SLC35F1: variants seen among roughly 807,000 people sequenced by gnomAD.
SLC35F1 encodes the protein chromosome 6 open reading frame 169.
A neutral mutation model predicts 48.7 loss-of-function variants in SLC35F1; 14 were observed. That is an observed-to-expected ratio of 0.29 (90% CI 0.19 to 0.45). The LOEUF is 0.45. Among genes scored for constraint, SLC35F1 ranks in the 20% least tolerant of loss-of-function variants. The pLI is 1.00. For missense variants in SLC35F1, 404 were observed against 500.0 expected (o/e 0.81, Z 1.83); for synonymous variants, 190 against 202.2 (o/e 0.94, Z 0.51).
At chr6:118,310,438 G>A (rs1431656424) in intron 7 of SLC35F1, among the ~76,000 whole-genome samples, 1 of 152,014 alleles carries the variant, frequency 6.6e-6, no homozygotes, top group Non-Finnish European at 1.5e-5. Context: ...CAGAATAGGG[G>A]ATCATTCTAT....
chr6:118,192,623 C>T (rs1214493476), intron 2 of SLC35F1, among the ~76,000 whole-genome samples: 1 of 151,992 alleles, frequency 6.6e-6, no homozygotes, highest in Non-Finnish European at 1.5e-5. Context: ...ACATAATAAC[C>T]ATAGTTATGA....
At chr6:118,147,898 C>A (rs1185266261) in intron 1 of SLC35F1, among the ~76,000 whole-genome samples, 1 of 152,146 alleles carries the variant, frequency 6.6e-6, no homozygotes, top group Non-Finnish European at 1.5e-5. Flanking sequence ...CAAAGATACC[C>A]AATTAATGAT....
At chr6:117,987,146 C>A (rs892929921) in intron 1 of SLC35F1, among the ~76,000 whole-genome samples, 1 of 152,166 alleles carries the variant, frequency 6.6e-6, no homozygotes, top group African/African-American at 2.4e-5. Flanking sequence ...TGCCATAAAT[C>A]AGGCAGCTAT....
rs1311971397 is a variant in SLC35F1, at chr6:118,275,510, A to G, written c.689A>G (p.Tyr230Cys). The G allele has an allele frequency of 3.7e-6, 6 of 1,613,802 alleles. No homozygotes were observed. The highest frequency in any genetic ancestry group is 2.7e-5 in the African/African-American group (2 of 74,922). ...CTGGTCTTAGGAGGAGCCACACTCTATGGTATTTCTAACGTCTGGGAAGAA... is the reference window on the plus strand; with the variant it reads ...CTGGTCTTAGGAGGAGCCACACTCTGTGGTATTTCTAACGTCTGGGAAGAA... ...DLLVLGGATLYGISNVWEEYI... is the reference protein window; with the variant it reads ...DLLVLGGATLCGISNVWEEYI... Residue 230 changes from tyrosine (Y) to cysteine (C), a missense_variant, in exon 5 of 8, where the codon TAT becomes TGT. Around this residue, in one of 2 missense-constraint regions of SLC35F1, gnomAD observed 306 missense variants for 419.1 expected, o/e 0.73. Coordinates refer to ENST00000360388, the MANE Select transcript of SLC35F1 (RefSeq NM_001029858.4).
intron 1 of SLC35F1, among the ~76,000 whole-genome samples, chr6:118,113,938 A>G (rs1039999025): frequency 6.6e-6 from 1 of 152,242 alleles, no homozygotes; most frequent in African/African-American, 2.4e-5. Flanking sequence ...GTTAAATGAT[A>G]TATCTGCAAT....
Position 118,013,714 on chromosome 6 carries a change from T to C in SLC35F1, c.173+105815T>C, listed in dbSNP as rs1431042000. On this transcript the variant is annotated intron_variant, in intron 1 of 7. Transcript: ENST00000360388. ...TAAAACTACTCTACTTGGATTGTTA[T>C]TTTTTTTCATTGAATTGACTGATTT... is the stretch of plus-strand genomic sequence containing the variant. Among the ~76,000 whole-genome samples, 29 of 152,060 alleles carry C rather than the reference T, an allele frequency of 1.9e-4. 1 individual carries two copies. Among genetic ancestry groups the C allele is most frequent in the Admixed American group, 1.9e-3 (29 of 15,256 alleles).
intron 1 of SLC35F1, among the ~76,000 whole-genome samples, chr6:118,022,850 G>A (rs372904278): frequency 6.0e-5 from 9 of 150,504 alleles, no homozygotes; most frequent in South Asian, 2.1e-4. Flanking sequence ...TCCTGGGTTC[G>A]CGCCATTCTC....
chr6:118,015,291 GT>G (rs1211634241), intron 1 of SLC35F1, among the ~76,000 whole-genome samples: 2 of 152,022 alleles, frequency 1.3e-5, no homozygotes, highest in African/African-American at 4.8e-5. Context: ...CGGAGAGATT[GT>G]TTTTTAACTT....
At chr6:118,164,788 T>C (rs926408366) in intron 2 of SLC35F1, among the ~76,000 whole-genome samples, 1 of 152,202 alleles carries the variant, frequency 6.6e-6, no homozygotes, top group Non-Finnish European at 1.5e-5. Context: ...AGCATATATG[T>C]TCTCCTTCAC....
intron 1 of SLC35F1, among the ~76,000 whole-genome samples, chr6:117,934,464 C>T (rs747117550): frequency 1.4e-4 from 22 of 151,998 alleles, no homozygotes; most frequent in Non-Finnish European, 2.6e-4. Context: ...ACTTAATAGT[C>T]GCAAAATAGC....
At chr6:118,161,445 T>C (rs1378319766) in intron 2 of SLC35F1, among the ~76,000 whole-genome samples, 1 of 152,172 alleles carries the variant, frequency 6.6e-6, no homozygotes, top group Non-Finnish European at 1.5e-5. Context: ...GTTATTAGCA[T>C]GTGGGCATAA....
intron 1 of SLC35F1, among the ~76,000 whole-genome samples, chr6:118,063,700 A>T (rs189585144): frequency 2.1e-4 from 32 of 152,242 alleles, no homozygotes; most frequent in African/African-American, 7.5e-4. Context: ...GCATAACCAT[A>T]ATCTTTTTAG....
intron 1 of SLC35F1, among the ~76,000 whole-genome samples, chr6:117,956,426 A>C (rs1472860477): frequency 2.6e-5 from 4 of 152,194 alleles, no homozygotes; most frequent in African/African-American, 9.7e-5. Context: ...GTGCTGTTGA[A>C]CTGCCTTTTG....
intron 1 of SLC35F1, among the ~76,000 whole-genome samples, chr6:118,009,856 C>G (rs1409665211): frequency 6.6e-6 from 1 of 152,088 alleles, no homozygotes; most frequent in Non-Finnish European, 1.5e-5. Flanking sequence ...GATTTATGTT[C>G]CACCTATGCC....
chr6:118,247,672 A>ATTTAT, intron 3 of SLC35F1, among the ~76,000 whole-genome samples: 2 of 147,668 alleles, frequency 1.4e-5, no homozygotes, highest in African/African-American at 5.4e-5. Context: ...GAAGAGTGAA[A>ATTTAT]CACTTCTGTA....
At chr6:118,012,970 G>C (rs1345620421) in intron 1 of SLC35F1, among the ~76,000 whole-genome samples, 1 of 151,992 alleles carries the variant, frequency 6.6e-6, no homozygotes, top group African/African-American at 2.4e-5. Flanking sequence ...AATCATGAAA[G>C]TAGGTCAGAG....
chr6:117,978,516 C>T (rs1182920368), intron 1 of SLC35F1, among the ~76,000 whole-genome samples: 1 of 152,168 alleles, frequency 6.6e-6, no homozygotes, highest in Non-Finnish European at 1.5e-5. Context: ...TGCTGTTTAT[C>T]TTCAATACAC....
intron 7 of SLC35F1, among the ~76,000 whole-genome samples, chr6:118,287,498 A>C (rs555226817): frequency 2.6e-5 from 4 of 152,354 alleles, no homozygotes; most frequent in South Asian, 4.1e-4. Context: ...AGCTCCCAGC[A>C]TGCCTGAGAG....
Position 118,171,755 on chromosome 6 carries a change from A to AG in SLC35F1, c.349+17135_349+17136insG, listed in dbSNP as rs1282999931. Among the ~76,000 whole-genome samples, 4 of 152,318 alleles carry AG rather than the reference A, an allele frequency of 2.6e-5. No individual in the cohort carries two copies. The East Asian group carries it at 7.7e-4, about 29-fold the overall frequency. ...TTCCTTTTATATGTTTATTGGCAAC[A>AG]TGAAATAACTTTTAAGTCCTAAAGT... On this transcript the variant is annotated intron_variant, in intron 2 of 7. Transcript: ENST00000360388.
Sources: gnomAD v4.1 joint callset for allele counts (sites outside exome capture counted in the v4.1 genomes callset) on GRCh38, gnomAD v4.1.1 for gene constraint, gnomAD v4.1.1 regional missense constraint, MANE v1.5 for transcripts, NCBI Gene and HGNC (gene_info 2026-07-23, HGNC 2026-07-21) for gene names.